Variants in ALDH8A1 observed in about 807,000 individuals in gnomAD.
ALDH8A1 encodes aldehyde dehydrogenase 8 family member A1.
Under a neutral mutation model 43.3 loss-of-function variants are expected in ALDH8A1, and 39 were observed. The ratio of observed to expected loss-of-function variants is 0.90; its 90% CI spans 0.70 to 1.18. The LOEUF is 1.18. ALDH8A1 is among the 50% of genes most tolerant of loss of function. The pLI is 0.00. For synonymous variants in ALDH8A1, 233 were observed against 243.5 expected, an observed-to-expected ratio of 0.96 and a Z score of 0.40; for missense variants, 605 against 622.6, an observed-to-expected ratio of 0.97 and a Z score of 0.30.
intron 6 of ALDH8A1, among the ~76,000 whole-genome samples, chr6:134,928,145 A>G (rs574518356): frequency 6.6e-6 from 1 of 152,200 alleles, no homozygotes; most frequent in East Asian, 1.9e-4. Context: ...CTCTCTCCTG[A>G]CCTACCGCGA....
intron 6 of ALDH8A1, among the ~76,000 whole-genome samples, chr6:134,921,136 G>A (rs539914790): frequency 2.2e-4 from 33 of 152,230 alleles, no homozygotes; most frequent in African/African-American, 7.7e-4. Context: ...TGACTGACCC[G>A]ACACTTATTA....
At chr6:134,935,100 G>A (rs1225305015) in intron 4 of ALDH8A1, among the ~76,000 whole-genome samples, 3 of 152,148 alleles carry the variant, frequency 2.0e-5, no homozygotes, top group Non-Finnish European at 4.4e-5. Context: ...CAGAGGCTAC[G>A]CTTCCCAGCC....
intron 1 of ALDH8A1, 135 bp from the exon 2 acceptor site, chr6:134,944,101 T>C (rs1053832446): frequency 1.2e-5 from 15 of 1,237,496 alleles, no homozygotes; most frequent in Non-Finnish European, 1.6e-5. Flanking sequence ...GGATTCTCAC[T>C]CTGTAGCCCA....
chr6:134,922,688 T>C (rs1312572463), intron 6 of ALDH8A1, among the ~76,000 whole-genome samples: 1 of 152,150 alleles, frequency 6.6e-6, no homozygotes, highest in East Asian at 1.9e-4. Context: ...GCACCTGATC[T>C]AACAGTGAAT....
In ALDH8A1 at chr6:134,943,892, C is replaced by T. The variant is rs1267528987; in HGVS notation, c.213G>A (p.Arg71=). The T allele has an allele frequency of 1.2e-6, 2 of 1,614,108 alleles. No individual in the cohort carries two copies. The highest frequency in any genetic ancestry group is 1.3e-5 in the African/African-American group (1 of 74,926). ...WSSRSPQERS[R]VLNQVADLLE... ...GCAAATCCGCCACCTGGTTCAGGAC[C>T]CGTGAGCGCTCCTGGGGGCTGCGGG... Residue 71 remains arginine (R), a synonymous_variant, in exon 2 of 7, where the codon CGG becomes CGA. Coordinates refer to ENST00000265605, the MANE Select transcript of ALDH8A1 (RefSeq NM_022568.4).
At chr6:134,925,200 A>C (rs1776863609) in intron 6 of ALDH8A1, among the ~76,000 whole-genome samples, 1 of 152,204 alleles carries the variant, frequency 6.6e-6, no homozygotes, top group African/African-American at 2.4e-5. Flanking sequence ...AGATACCAAA[A>C]CTACTTGTGA....
chr6:134,948,497 T>G (rs762843254), intron 1 of ALDH8A1, among the ~76,000 whole-genome samples: 1 of 152,192 alleles, frequency 6.6e-6, no homozygotes, highest in Non-Finnish European at 1.5e-5. Context: ...CCCATAAAGA[T>G]GTACAATTAT....
intron 6 of ALDH8A1, among the ~76,000 whole-genome samples, chr6:134,919,135 C>A (rs9483778): frequency 0.045 from 6,900 of 152,214 alleles, 525 homozygotes; most frequent in African/African-American, 0.15. Context: ...TTTTCATACA[C>A]TCTCACTTGA....
chr6:134,920,467 T>A (rs1334948009), intron 6 of ALDH8A1, among the ~76,000 whole-genome samples: 1 of 152,174 alleles, frequency 6.6e-6, no homozygotes, highest in Admixed American at 6.5e-5. Flanking sequence ...CCAGAGGCCC[T>A]GCTGGGATGC....
At chr6:134,937,156 C>T (rs1040786089) in intron 4 of ALDH8A1, among the ~76,000 whole-genome samples, 4 of 152,166 alleles carry the variant, frequency 2.6e-5, no homozygotes, top group African/African-American at 9.7e-5. Context: ...CCAGGAATCC[C>T]ACAGAAGTAT....
chr6:134,947,814 A>C (rs1562262023), intron 1 of ALDH8A1, among the ~76,000 whole-genome samples: 2 of 151,344 alleles, frequency 1.3e-5, no homozygotes, highest in South Asian at 4.2e-4. Flanking sequence ...AAATTAGTGC[A>C]GCCATTATGG....
chr6:134,944,121 G>T, intron 1 of ALDH8A1, 155 bp from the exon 2 acceptor site: 1 of 1,064,000 alleles, frequency 9.4e-7, no homozygotes, highest in Non-Finnish European at 1.3e-6. Context: ...AGCCTGGAGG[G>T]CAGTGGCGCA....
At chr6:134,918,958 A>C in intron 6 of ALDH8A1, 91 bp from the exon 7 acceptor site, 2 of 1,365,824 alleles carry the variant, frequency 1.5e-6, no homozygotes, top group Non-Finnish European at 2.0e-6. Context: ...TCATCTCGGA[A>C]GGAGGGATAA....
At chr6:134,935,851 C>A (rs1226798814) in intron 4 of ALDH8A1, among the ~76,000 whole-genome samples, 4 of 152,172 alleles carry the variant, frequency 2.6e-5, no homozygotes, top group Admixed American at 6.5e-5. Flanking sequence ...AGCCTTGGCC[C>A]AATCACCTTG....
At chr6:134,923,256 C>G (rs1401533663) in intron 6 of ALDH8A1, among the ~76,000 whole-genome samples, 1 of 151,816 alleles carries the variant, frequency 6.6e-6, no homozygotes, top group South Asian at 2.1e-4. Context: ...TCTGGAACAC[C>G]TGGGCTCAAG....
rs369049808 is a variant in ALDH8A1, at chr6:134,950,088, T to G, written c.-35A>C. ...AAATTCTGCCTTTCCTCTTTACGAC[T>G]GAGCACTCAGGTTGTCCCCACCACT... On this transcript the variant is annotated 5_prime_UTR_variant, in exon 1 of 7. Transcript: ENST00000265605. 8.2e-6 allele frequency: 13 copies of G among 1,577,628 alleles called. No homozygotes were observed. The African/African-American group carries it at 1.2e-4, about 15-fold the overall frequency.
chr6:134,918,225 G>C lies in ALDH8A1; in HGVS notation c.*190C>G, dbSNP rs9494119. The C allele has an allele frequency of 1.7e-6, 1 of 590,622 alleles. No homozygotes were observed. Among genetic ancestry groups the C allele is most frequent in the Non-Finnish European group, 2.9e-6 (1 of 339,816 alleles). The allele number at this position is 590,622 out of a possible 1,614,324, so 36.6% of individuals were successfully genotyped here. On this transcript the variant is annotated 3_prime_UTR_variant, in exon 7 of 7. Coordinates refer to ENST00000265605, the MANE Select transcript of ALDH8A1 (RefSeq NM_022568.4). Reference sequence around the variant, plus strand: ...CCTACTTATAAGTCTTTTTTTCCGAGTCCACATTGAAAATAGACAGTATCT... The same window carrying C: ...CCTACTTATAAGTCTTTTTTTCCGACTCCACATTGAAAATAGACAGTATCT...
rs557886310 is a variant in ALDH8A1 at position 134,937,285 on chromosome 6, C to T, written c.592+1981G>A. ...ACATCCAGAACGAATTAGTTATTTTCGCTTTTCCCTCCCCTACTAAAAGCT... is the reference window on the plus strand; with the variant it reads ...ACATCCAGAACGAATTAGTTATTTTTGCTTTTCCCTCCCCTACTAAAAGCT... On this transcript the variant is annotated intron_variant, in intron 4 of 6. Coordinates refer to ENST00000265605, the MANE Select transcript of ALDH8A1 (RefSeq NM_022568.4). Among the ~76,000 whole-genome samples, 12 of 152,278 alleles carry T rather than the reference C, an allele frequency of 7.9e-5. No individual in the cohort carries two copies. In the East Asian group the frequency reaches 9.6e-4, roughly 12 times the overall value.
rs533886052 is a variant in ALDH8A1 at position 134,942,432 on chromosome 6, G to A, written c.419C>T (p.Thr140Met). ...ACCGACTCCCACCGGGGCCCGCACC[G>A]TGTAGTGCATGCAGCCCAGGTGGTC... ...QMDHLGCMHYTVRAPVGVAGL... is the reference protein window; with the variant it reads ...QMDHLGCMHYMVRAPVGVAGL... Residue 140 changes from threonine to methionine, a missense_variant, in exon 3 of 7, where the codon ACG becomes ATG. Coordinates refer to ENST00000265605, the MANE Select transcript of ALDH8A1 (RefSeq NM_022568.4). The A allele has an allele frequency of 1.2e-5, 19 of 1,613,952 alleles. No homozygotes were observed. The highest frequency in any genetic ancestry group is 1.7e-4 in the Middle Eastern group (1 of 6,052).
Sources: allele counts gnomAD v4.1 joint callset (sites outside exome capture counted in the v4.1 genomes callset), GRCh38; gene constraint gnomAD v4.1.1; transcripts MANE v1.5; gene names NCBI Gene and HGNC (gene_info 2026-07-23, HGNC 2026-07-21).